Variants in COL5A2 observed in about 807,000 individuals in gnomAD.
The protein encoded by COL5A2 is collagen alpha-2(V) chain.
COL5A2 carries 23 observed loss-of-function variants against 208.2 expected under a neutral mutation model. That is an observed-to-expected ratio of 0.11 (90% CI 0.08 to 0.16). The LOEUF (loss-of-function observed/expected upper bound fraction) is 0.16. Among genes scored for constraint, COL5A2 ranks in the 10% least tolerant of loss-of-function variants. The probability of loss-of-function intolerance (pLI) is 1.00; values close to 1 mark genes in which losing one functional copy is unlikely to be tolerated. For missense variants in COL5A2, 1,590 were observed against 1,956.4 expected, an observed-to-expected ratio of 0.81 and a Z score of 3.53; for synonymous variants, 625 against 628.5, an observed-to-expected ratio of 0.99 and a Z score of 0.08.
chr2:189,347,437 C>T, the COL5A2 span, among the ~76,000 whole-genome samples: 1 of 152,046 alleles, frequency 6.6e-6, no homozygotes, highest in Non-Finnish European at 1.5e-5. Flanking sequence ...AAAAATGACA[C>T]TAATGTTAAA....
intron 1 of COL5A2, among the ~76,000 whole-genome samples, chr2:189,116,578 A>G (rs903229930): frequency 6.6e-6 from 1 of 152,156 alleles, no homozygotes. Flanking sequence ...CTCAAGATCT[A>G]TGGGATGGTG....
intron 44 of COL5A2, 22 bp downstream of exon 44, chr2:189,049,325 T>C (rs1371842060): frequency 6.6e-7 from 1 of 1,509,696 alleles, no homozygotes; most frequent in South Asian, 1.2e-5. Context: ...AAGAGAAGAG[T>C]TATTTTCACT....
Position 189,048,215 on chromosome 2 carries a change from T to C in COL5A2, c.3195A>G (p.Gly1065=), listed in dbSNP as rs746246121. The change falls in exon 45 of 54, where the codon GGA becomes GGG. Residue 1065 remains glycine, a synonymous_variant. Coordinates refer to ENST00000374866, the MANE Select transcript of COL5A2 (RefSeq NM_000393.5). The stretch of plus-strand genomic sequence containing the variant: ...TAAGTGAAATGGCTCTTACACGTTC[T>C]CCAACAGCACCATCCCGTCCTGGGG... The part of the protein sequence containing the change: ...DGTPGRDGAV[G]ERGDRGDPGP... 1.7e-5 allele frequency: 28 copies of C among 1,613,828 alleles called. No homozygotes were observed. The highest frequency in any genetic ancestry group is 6.7e-5 in the Admixed American group (4 of 59,990).
chr2:189,310,336 A>G, the COL5A2 span, among the ~76,000 whole-genome samples: 3 of 152,228 alleles, frequency 2.0e-5, no homozygotes. Flanking sequence ...ACCACTGATC[A>G]TCAGAGAAAC....
At chr2:189,406,376 TAAGACA>T in the COL5A2 span, among the ~76,000 whole-genome samples, 2 of 152,200 alleles carry the variant, frequency 1.3e-5, no homozygotes, top group Admixed American at 1.3e-4. Flanking sequence ...ATCACTGGGA[TAAGACA>T]CTACTAAAAG....
the COL5A2 span, among the ~76,000 whole-genome samples, chr2:189,324,715 A>G: frequency 5.3e-5 from 8 of 152,208 alleles, no homozygotes; most frequent in Admixed American, 2.6e-4. Flanking sequence ...TTACACTGTT[A>G]GTGGGACTGT....
intron 1 of COL5A2, among the ~76,000 whole-genome samples, chr2:189,121,951 T>C (rs1013261716): frequency 6.6e-6 from 1 of 152,168 alleles, no homozygotes; most frequent in African/African-American, 2.4e-5. Flanking sequence ...ATTTTACTTA[T>C]ACTTAGCACA....
intron 1 of COL5A2, among the ~76,000 whole-genome samples, chr2:189,210,826 A>G (rs993755035): frequency 4.6e-5 from 7 of 152,208 alleles, no homozygotes; most frequent in African/African-American, 1.7e-4. Context: ...TCTCTGGAAC[A>G]GAGGAGGCAG....
intron 47 of COL5A2, 105 bp downstream of exon 47, chr2:189,045,074 T>C: frequency 1.4e-6 from 1 of 699,856 alleles, no homozygotes; most frequent in Admixed American, 3.2e-5. Context: ...TTGTTCAAGC[T>C]TGAGGAATTT....
intron 1 of COL5A2, among the ~76,000 whole-genome samples, chr2:189,186,490 G>T (rs1302613942): frequency 6.6e-6 from 1 of 152,036 alleles, no homozygotes; most frequent in African/African-American, 2.4e-5. Flanking sequence ...AACACGGTGG[G>T]GTAAGTGCTA....
chr2:189,160,971 T>C (rs1453467520), intron 1 of COL5A2, among the ~76,000 whole-genome samples: 1 of 151,514 alleles, frequency 6.6e-6, no homozygotes, highest in African/African-American at 2.4e-5. Flanking sequence ...GCTGGGATTA[T>C]AGGCATGTGC....
chr2:189,431,180 A>G, the COL5A2 span, among the ~76,000 whole-genome samples: 1 of 152,304 alleles, frequency 6.6e-6, no homozygotes, highest in South Asian at 2.1e-4. Flanking sequence ...CCAAAACCCC[A>G]TCTGTAGGTC....
At chr2:189,429,002 AC>A in the COL5A2 span, among the ~76,000 whole-genome samples, 2 of 152,198 alleles carry the variant, frequency 1.3e-5, no homozygotes, top group Non-Finnish European at 2.9e-5. Context: ...ACACAAAATT[AC>A]AATCAGGCCG....
chr2:189,083,635 T>C (rs1220978679), intron 12 of COL5A2, among the ~76,000 whole-genome samples: 1 of 151,950 alleles, frequency 6.6e-6, no homozygotes, highest in African/African-American at 2.4e-5. Flanking sequence ...AGGATTGAAG[T>C]GTGAATTGTA....
chr2:189,345,467 G>A, the COL5A2 span, among the ~76,000 whole-genome samples: 2,578 of 152,128 alleles, frequency 0.017, 76 homozygotes, highest in African/African-American at 0.059. Flanking sequence ...ATAGCAAGAA[G>A]GTCACAAGAC....
At chr2:189,084,693 C>G (rs1310319091) in intron 11 of COL5A2, among the ~76,000 whole-genome samples, 2 of 150,352 alleles carry the variant, frequency 1.3e-5, no homozygotes, top group Non-Finnish European at 3.0e-5. Context: ...GGAGTTGGGT[C>G]TTAACTTTAA....
intron 1 of COL5A2, among the ~76,000 whole-genome samples, chr2:189,163,739 G>A (rs1392716226): frequency 1.3e-5 from 2 of 152,214 alleles, no homozygotes; most frequent in African/African-American, 4.8e-5. Context: ...TGACTTAAGT[G>A]AAGTACCTTT....
rs777866283 is a variant in COL5A2, at chr2:189,036,639, G to T, written c.4090C>A (p.Leu1364Ile). The change falls in exon 52 of 54, where the codon CTT (leucine) becomes ATT (isoleucine). Residue 1364 changes from leucine to isoleucine, a missense_variant. Physicochemically the swap from Leu to Ile is conservative, Grantham distance 5. Coordinates refer to ENST00000374866, the MANE Select transcript of COL5A2 (RefSeq NM_000393.5). ...ACCTGAGACCCTCTGTTCATATCAA[G>T]ACCATACCAAACAGGTTTATTGTCA... The part of the protein sequence containing the change: ...SPDNKPVWYG[L>I]DMNRGSQFAY... The T allele has an allele frequency of 5.6e-6, 9 of 1,613,354 alleles. No homozygotes were observed. The highest frequency in any genetic ancestry group is 6.8e-6 in the Non-Finnish European group (8 of 1,179,504).
rs141944689 is a variant in COL5A2, at chr2:189,128,849, G to T, written c.98-18400C>A. Among the ~76,000 whole-genome samples, 226 of 152,030 alleles carry T rather than the reference G, an allele frequency of 1.5e-3. 3 individuals are homozygous for T. The Middle Eastern group carries it at 0.017, about 11-fold the overall frequency. On this transcript the variant is annotated intron_variant, in intron 1 of 53. Transcript: ENST00000374866. The stretch of plus-strand genomic sequence containing the variant: ...TTCTTCCTTATAATAACAGAGAAAA[G>T]CTAAATGGGGCACTTGCGTCCTTAG...
Sources: gnomAD v4.1 joint callset for allele counts (sites outside exome capture counted in the v4.1 genomes callset) on GRCh38, gnomAD v4.1.1 for gene constraint, MANE v1.5 for transcripts, NCBI Gene and HGNC (gene_info 2026-07-23, HGNC 2026-07-21) for gene names.